Variants in MOB3B observed in about 807,000 individuals in gnomAD.
The protein encoded by MOB3B is MOB kinase activator-like 2B.
In MOB3B, 7 loss-of-function variants were observed where a neutral mutation model predicts 18.7. That is an observed-to-expected ratio of 0.37 (90% CI 0.21 to 0.70). The LOEUF (loss-of-function observed/expected upper bound fraction) is 0.70, where lower values mean the gene tolerates loss of function less well. Among genes scored for constraint, MOB3B ranks in the 30% least tolerant of loss-of-function variants. The pLI, the probability that MOB3B is intolerant of heterozygous loss-of-function variation, is 0.52. For synonymous variants in MOB3B, 111 were observed against 99.9 expected, an observed-to-expected ratio of 1.11 and a Z score of -0.66; for missense variants, 253 against 281.3, an observed-to-expected ratio of 0.90 and a Z score of 0.72.
Position 27,474,481 on chromosome 9 carries a change from C to G in MOB3B, c.-198-18733G>C, listed in dbSNP as rs115400210. Among the ~76,000 whole-genome samples, 453 of 152,312 alleles carry G rather than the reference C, an allele frequency of 3.0e-3. 4 individuals are homozygous for G. Among genetic ancestry groups the G allele is most frequent in the African/African-American group, 0.01 (434 of 41,576 alleles). Reference sequence around the variant, plus strand: ...CTGGCTGAATAAACCTTACCCATGTCAGCACACAAGTGAAGGCAATGACAT... The same window carrying G: ...CTGGCTGAATAAACCTTACCCATGTGAGCACACAAGTGAAGGCAATGACAT... On this transcript the variant is annotated intron_variant, in intron 1 of 3. Coordinates refer to ENST00000262244, the MANE Select transcript of MOB3B (RefSeq NM_024761.5).
intron 3 of MOB3B, among the ~76,000 whole-genome samples, chr9:27,333,430 A>G (rs1820818216): frequency 6.6e-6 from 1 of 152,080 alleles, no homozygotes; most frequent in South Asian, 2.1e-4. Flanking sequence ...GCCCTCCCGC[A>G]GGCTAGCAGG....
intron 2 of MOB3B, among the ~76,000 whole-genome samples, chr9:27,433,151 G>A (rs193276106): frequency 7.2e-4 from 108 of 150,666 alleles, no homozygotes; most frequent in African/African-American, 2.3e-3. Flanking sequence ...ATTTAGTACC[G>A]GCTCAAAAAG....
chr9:27,351,178 C>T (rs1247327551), intron 3 of MOB3B, among the ~76,000 whole-genome samples: 1 of 152,154 alleles, frequency 6.6e-6, no homozygotes, highest in East Asian at 1.9e-4. Flanking sequence ...GTTGGGATTA[C>T]AGGCGTGAGC....
chr9:27,513,600 C>T (rs1038600847), intron 1 of MOB3B, among the ~76,000 whole-genome samples: 4 of 152,272 alleles, frequency 2.6e-5, no homozygotes, highest in African/African-American at 9.6e-5. Flanking sequence ...ATATCCCGAG[C>T]TCTTCCCATC....
At chr9:27,360,378 G>A (rs1041240268) in intron 2 of MOB3B, among the ~76,000 whole-genome samples, 3 of 152,114 alleles carry the variant, frequency 2.0e-5, no homozygotes, top group Admixed American at 6.5e-5. Flanking sequence ...TGTGGCGTGC[G>A]CCTGTAATCC....
chr9:27,526,698 A>C (rs531539598), intron 1 of MOB3B, among the ~76,000 whole-genome samples: 2 of 152,362 alleles, frequency 1.3e-5, no homozygotes, highest in African/African-American at 2.4e-5. Flanking sequence ...GAAAAAGGAT[A>C]ACATCTCCAC....
At chr9:27,391,462 A>G (rs1047586642) in intron 2 of MOB3B, among the ~76,000 whole-genome samples, 2 of 152,240 alleles carry the variant, frequency 1.3e-5, no homozygotes, top group Admixed American at 1.3e-4. Context: ...TAATCCCGTC[A>G]TGTAATGAGT....
chr9:27,328,455 A>G lies in MOB3B; in HGVS notation c.*2132T>C, dbSNP rs1820742060. The G allele has an allele frequency of 6.6e-6, 1 of 152,194 alleles. No homozygotes were observed. The highest frequency in any genetic ancestry group is 2.1e-4 in the South Asian group (1 of 4,828). 9.4% of individuals were successfully genotyped at this position (152,194 alleles called of 1,614,324 possible). A position where few individuals can be genotyped will look rare whatever the true frequency, so the allele number is the denominator to read the frequency against. On this transcript the variant is annotated 3_prime_UTR_variant, in exon 4 of 4. Coordinates refer to ENST00000262244, the MANE Select transcript of MOB3B (RefSeq NM_024761.5). ...AGAGTTCATTAGTGCAATTAACAATATAAGCAGGAGGAAATTCTTCCAAGA... is the reference window on the plus strand; with the variant it reads ...AGAGTTCATTAGTGCAATTAACAATGTAAGCAGGAGGAAATTCTTCCAAGA...
intron 2 of MOB3B, among the ~76,000 whole-genome samples, chr9:27,427,980 G>A (rs1323820354): frequency 6.6e-6 from 1 of 152,054 alleles, no homozygotes; most frequent in East Asian, 1.9e-4. Flanking sequence ...CAATACTTCT[G>A]GTTTCACTGA....
intron 2 of MOB3B, among the ~76,000 whole-genome samples, chr9:27,388,492 G>A (rs1250306760): frequency 2.6e-5 from 4 of 151,972 alleles, no homozygotes; most frequent in African/African-American, 9.7e-5. Flanking sequence ...AGGCTTTGGG[G>A]GAACAGGTGG....
chr9:27,338,881 G>A (rs763319570), intron 3 of MOB3B, among the ~76,000 whole-genome samples: 30 of 152,202 alleles, frequency 2.0e-4, no homozygotes, highest in Non-Finnish European at 3.2e-4. Context: ...CCCCGACTCC[G>A]GTGGACAGGC....
intron 2 of MOB3B, among the ~76,000 whole-genome samples, chr9:27,400,196 T>C (rs758801691): frequency 6.6e-6 from 1 of 152,246 alleles, no homozygotes; most frequent in Non-Finnish European, 1.5e-5. Context: ...CAAATGAGAA[T>C]GATAGATATA....
chr9:27,498,770 G>T (rs1304896791), intron 1 of MOB3B, among the ~76,000 whole-genome samples: 1 of 152,228 alleles, frequency 6.6e-6, no homozygotes, highest in African/African-American at 2.4e-5. Flanking sequence ...CAGTTGCTAT[G>T]TAGAGATAAA....
chr9:27,392,627 T>G (rs1821742408), intron 2 of MOB3B, among the ~76,000 whole-genome samples: 1 of 152,186 alleles, frequency 6.6e-6, no homozygotes, highest in South Asian at 2.1e-4. Context: ...ACTGTAGGAA[T>G]AAAGACGAGC....
chr9:27,458,428 C>T (rs530059597), intron 1 of MOB3B, among the ~76,000 whole-genome samples: 19 of 151,992 alleles, frequency 1.3e-4, no homozygotes, highest in African/African-American at 4.6e-4. Flanking sequence ...TGGACTGGCA[C>T]TCGCAAATAT....
At chr9:27,357,462 A>C (rs1821209359) in intron 3 of MOB3B, among the ~76,000 whole-genome samples, 1 of 151,682 alleles carries the variant, frequency 6.6e-6, no homozygotes, top group Admixed American at 6.6e-5. Context: ...TCAGGGTCTC[A>C]CACTAACCAC....
intron 1 of MOB3B, among the ~76,000 whole-genome samples, chr9:27,506,823 C>T (rs894366548): frequency 1.3e-5 from 2 of 150,134 alleles, no homozygotes; most frequent in Admixed American, 6.7e-5. Flanking sequence ...AGCCACCACA[C>T]CCCGGCTAAT....
intron 2 of MOB3B, among the ~76,000 whole-genome samples, chr9:27,389,854 G>A (rs1440594254): frequency 2.6e-5 from 4 of 151,948 alleles, no homozygotes; most frequent in Non-Finnish European, 5.9e-5. Context: ...CCGAGACCGA[G>A]GAGACATCAC....
chr9:27,344,645 T>C (rs7867769), intron 3 of MOB3B, among the ~76,000 whole-genome samples: 17,730 of 152,262 alleles, frequency 0.12, 2,703 homozygotes, highest in African/African-American at 0.35. Context: ...AATTTAGATA[T>C]GGGCAAGAGT....
Sources: gnomAD v4.1 joint callset for allele counts (sites outside exome capture counted in the v4.1 genomes callset) on GRCh38, gnomAD v4.1.1 for gene constraint, MANE v1.5 for transcripts, NCBI Gene and HGNC (gene_info 2026-07-23, HGNC 2026-07-21) for gene names.